Variants in GALNT17 observed in about 807,000 individuals in gnomAD.
GALNT17 encodes UDP-GalNAc:polypeptide N-acetylgalactosaminyltransferase-like 3.
Under a neutral mutation model 63.7 loss-of-function variants are expected in GALNT17, and 29 were observed. The observed-to-expected ratio is 0.46, with a 90% CI of 0.34 to 0.62. The LOEUF is 0.62. Ranked by LOEUF, GALNT17 falls within the 20% of genes least tolerant of loss-of-function variation. The pLI is 0.01. For synonymous variants in GALNT17, 305 were observed against 318.3 expected (o/e 0.96, Z 0.45); for missense variants, 603 against 799.6 (o/e 0.75, Z 2.97).
intron 1 of GALNT17, among the ~76,000 whole-genome samples, chr7:71,141,679 CTT>C (rs772422312): frequency 3.1e-4 from 43 of 139,300 alleles, no homozygotes; most frequent in Admixed American, 5.1e-4. Flanking sequence ...TTCTTTCTTT[CTT>C]TTTTTTTTTT....
chr7:71,630,535 C>T (rs1315363155), intron 6 of GALNT17, among the ~76,000 whole-genome samples: 1 of 152,136 alleles, frequency 6.6e-6, no homozygotes, highest in Non-Finnish European at 1.5e-5. Flanking sequence ...CACTCAGAAC[C>T]GGAATTTCAT....
chr7:71,363,343 C>T (rs1792442096), intron 2 of GALNT17, among the ~76,000 whole-genome samples: 1 of 151,662 alleles, frequency 6.6e-6, no homozygotes, highest in Admixed American at 6.6e-5. Context: ...CCCTGAAATG[C>T]ACCAGGCACT....
At chr7:71,504,583 TTTA>T (rs1788235372) in intron 5 of GALNT17, among the ~76,000 whole-genome samples, 1 of 149,566 alleles carries the variant, frequency 6.7e-6, no homozygotes, top group Non-Finnish European at 1.5e-5. Context: ...TATTTTGCAG[TTTA>T]TTTACATTTT....
At chr7:71,337,416 C>A (rs560111534) in intron 2 of GALNT17, among the ~76,000 whole-genome samples, 55 of 152,164 alleles carry the variant, frequency 3.6e-4, no homozygotes, top group African/African-American at 1.3e-3. Flanking sequence ...ATTCTTGATA[C>A]GTATTATAAT....
At chr7:71,195,808 C>G (rs1789037592) in intron 1 of GALNT17, among the ~76,000 whole-genome samples, 2 of 152,130 alleles carry the variant, frequency 1.3e-5, no homozygotes. Flanking sequence ...CTCATCCTCT[C>G]AAAGCGCTGG....
At chr7:71,543,584 A>G (rs1230653856) in intron 5 of GALNT17, among the ~76,000 whole-genome samples, 1 of 152,146 alleles carries the variant, frequency 6.6e-6, no homozygotes, top group Non-Finnish European at 1.5e-5. Context: ...CTGGAAATCC[A>G]GGCTGTGATA....
intron 5 of GALNT17, among the ~76,000 whole-genome samples, chr7:71,422,234 CCTTGG>C (rs1786679608): frequency 6.6e-6 from 1 of 152,088 alleles, no homozygotes; most frequent in African/African-American, 2.4e-5. Flanking sequence ...CTGCCTCCTC[CCTTGG>C]CTCATGGCTA....
intron 6 of GALNT17, among the ~76,000 whole-genome samples, chr7:71,585,908 T>C (rs2116907899): frequency 8.1e-6 from 1 of 123,876 alleles, no homozygotes; most frequent in East Asian, 2.6e-4. Context: ...AAGCATTTCC[T>C]GATTTCTTTT....
At chr7:71,569,316 G>A (rs1020392375) in intron 5 of GALNT17, among the ~76,000 whole-genome samples, 3 of 152,122 alleles carry the variant, frequency 2.0e-5, no homozygotes, top group African/African-American at 7.2e-5. Flanking sequence ...TACACGTGCA[G>A]ATTTGTTACA....
intron 5 of GALNT17, among the ~76,000 whole-genome samples, chr7:71,532,927 A>G (rs550969785): frequency 2.0e-5 from 3 of 152,280 alleles, no homozygotes; most frequent in African/African-American, 7.2e-5. Context: ...AAAGTTCTTC[A>G]TTTTTGGAGA....
chr7:71,223,114 G>A (rs1395907960), intron 1 of GALNT17, among the ~76,000 whole-genome samples: 1 of 152,112 alleles, frequency 6.6e-6, no homozygotes, highest in Non-Finnish European at 1.5e-5. Flanking sequence ...GGTTTTTCCT[G>A]TAAAGTTACA....
chr7:71,429,735 C>T (rs1440787655), intron 5 of GALNT17, among the ~76,000 whole-genome samples: 2 of 152,122 alleles, frequency 1.3e-5, no homozygotes, highest in Non-Finnish European at 2.9e-5. Context: ...TTGAGACAGT[C>T]TCACTCTGTC....
At chr7:71,672,995 G>A (rs1791092802) in intron 8 of GALNT17, among the ~76,000 whole-genome samples, 1 of 62,156 alleles carries the variant, frequency 1.6e-5, no homozygotes, top group Non-Finnish European at 7.6e-5. Flanking sequence ...AATACACAGA[G>A]GTGTTTTTTT....
intron 5 of GALNT17, among the ~76,000 whole-genome samples, chr7:71,541,981 C>T (rs141093821): frequency 3.9e-5 from 6 of 152,200 alleles, no homozygotes; most frequent in African/African-American, 1.2e-4. Flanking sequence ...GAATCAGGCC[C>T]GTTCATTCAT....
At chr7:71,206,039 A>AATATAT (rs35048889) in intron 1 of GALNT17, among the ~76,000 whole-genome samples, 32 of 145,878 alleles carry the variant, frequency 2.2e-4, no homozygotes, top group African/African-American at 5.3e-4. Flanking sequence ...CCAGCTAGAG[A>AATATAT]ATATATATAT....
At chr7:71,160,991 G>C (rs1788332469) in intron 1 of GALNT17, among the ~76,000 whole-genome samples, 1 of 151,800 alleles carries the variant, frequency 6.6e-6, no homozygotes, top group South Asian at 2.1e-4. Context: ...ATGCCACTAT[G>C]CCTGGCTAAT....
chr7:71,356,388 T>C (rs1297698654), intron 2 of GALNT17, among the ~76,000 whole-genome samples: 1 of 151,586 alleles, frequency 6.6e-6, no homozygotes, highest in Non-Finnish European at 1.5e-5. Flanking sequence ...TTGGATAATT[T>C]ATAAAGAAAA....
At chr7:71,586,978 G>A (rs904668584) in intron 6 of GALNT17, among the ~76,000 whole-genome samples, 3 of 152,006 alleles carry the variant, frequency 2.0e-5, no homozygotes, top group Non-Finnish European at 2.9e-5. Context: ...CTGTATGTTT[G>A]TATCCATTAA....
chr7:71,567,205 G>T (rs7783801), intron 5 of GALNT17, among the ~76,000 whole-genome samples: 9,599 of 152,162 alleles, frequency 0.063, 328 homozygotes, highest in South Asian at 0.12. Context: ...TCTAAAAGGC[G>T]CCAAGAGCTG....
Sources: gnomAD v4.1 joint callset for allele counts (sites outside exome capture counted in the v4.1 genomes callset) on GRCh38, gnomAD v4.1.1 for gene constraint, MANE v1.5 for transcripts, NCBI Gene and HGNC (gene_info 2026-07-23, HGNC 2026-07-21) for gene names.